The following RAF1 variants were observed in gnomAD, a reference collection of about 807,000 sequenced individuals.
RAF1 encodes the protein Raf-1 proto-oncogene, serine/threonine kinase.
RAF1 carries 27 observed loss-of-function variants against 81.1 expected under a neutral mutation model. That is an observed-to-expected ratio of 0.33 (90% CI 0.25 to 0.46). The LOEUF is 0.46. Among genes scored for constraint, RAF1 ranks in the 20% least tolerant of loss-of-function variants. The pLI is 1.00. For synonymous variants in RAF1, 298 were observed against 294.0 expected, an observed-to-expected ratio of 1.01 and a Z score of -0.14; for missense variants, 598 against 826.0, an observed-to-expected ratio of 0.72 and a Z score of 3.38.
intron 1 of RAF1, among the ~76,000 whole-genome samples, chr3:12,640,805 C>T (rs1008089764): frequency 1.4e-4 from 22 of 152,204 alleles, no homozygotes; most frequent in African/African-American, 9.6e-5. Context: ...GTCAGTGTGG[C>T]GATTCCTCAA....
chr3:12,608,768 G>C lies in RAF1; in HGVS notation c.579C>G (p.Leu193=), dbSNP rs751223840. 2 of 1,613,816 alleles carry C rather than the reference G, an allele frequency of 1.2e-6. No individual in the cohort carries two copies. Among genetic ancestry groups the C allele is most frequent in the African/African-American group, 2.7e-5 (2 of 74,910 alleles). The change falls in exon 5 of 18, where the codon CTC becomes CTG. Residue 193 remains leucine (L), a splice_region_variant and synonymous_variant. Coordinates refer to ENST00000442415, the MANE Select transcript of RAF1 (RefSeq NM_001354689.3). Reference sequence around the variant, plus strand: ...TGGATAAAAGAACAATGCCTTACAAGAGTTGTCTGATGTTACTCCAGTCCA... The same window carrying C: ...TGGATAAAAGAACAATGCCTTACAACAGTTGTCTGATGTTACTCCAGTCCA...
intron 3 of RAF1, among the ~76,000 whole-genome samples, chr3:12,610,895 T>G (rs186169149): frequency 2.2e-3 from 329 of 152,290 alleles, no homozygotes; most frequent in Non-Finnish European, 4.1e-3. Flanking sequence ...GCCTCTATCT[T>G]GCCACCACCA....
In RAF1 at chr3:12,618,501, GA is replaced by G. The variant is rs1335594000; in HGVS notation, c.207+13del. On this transcript the variant is annotated intron_variant, in intron 2 of 17. Coordinates refer to ENST00000442415, the MANE Select transcript of RAF1 (RefSeq NM_001354689.3). ...GATAAATAGCTAAATTTCCTAAGTAGAATGTTCACATACCACTGTTCTTTGC... is the reference window on the plus strand; with the variant it reads ...GATAAATAGCTAAATTTCCTAAGTAGATGTTCACATACCACTGTTCTTTGC... The G allele has an allele frequency of 1.2e-6, 2 of 1,613,702 alleles. No individual in the cohort carries two copies. The highest frequency in any genetic ancestry group is 2.2e-5 in the South Asian group (2 of 91,060).
chr3:12,648,318 G>A (rs896241256), intron 1 of RAF1, among the ~76,000 whole-genome samples: 2 of 146,854 alleles, frequency 1.4e-5, no homozygotes, highest in South Asian at 4.3e-4. Context: ...ACATAATGAA[G>A]TAGGAAGGAA....
chr3:12,645,752 T>A (rs1252596807), intron 1 of RAF1, among the ~76,000 whole-genome samples: 6 of 151,818 alleles, frequency 4.0e-5, no homozygotes, highest in Admixed American at 2.0e-4. Flanking sequence ...AGAGGTGGGG[T>A]GGGGTGAGGG....
At chr3:12,651,308 G>T (rs940838647) in intron 1 of RAF1, among the ~76,000 whole-genome samples, 2 of 151,918 alleles carry the variant, frequency 1.3e-5, no homozygotes, top group African/African-American at 4.8e-5. Context: ...TAGATTTTTT[G>T]CAATAATTTC....
intron 1 of RAF1, among the ~76,000 whole-genome samples, chr3:12,652,297 C>T (rs1575673883): frequency 2.0e-5 from 3 of 151,510 alleles, no homozygotes; most frequent in African/African-American, 7.3e-5. Flanking sequence ...CCGAGATGGG[C>T]GGATCATAAG....
chr3:12,655,568 C>G (rs188137401), intron 1 of RAF1, among the ~76,000 whole-genome samples: 2 of 152,260 alleles, frequency 1.3e-5, no homozygotes, highest in East Asian at 3.9e-4. Flanking sequence ...TAATTCTACT[C>G]CTGTGCATTA....
intron 1 of RAF1, among the ~76,000 whole-genome samples, chr3:12,634,806 T>C (rs942698625): frequency 6.6e-6 from 1 of 152,002 alleles, no homozygotes; most frequent in Non-Finnish European, 1.5e-5. Context: ...CCTCTCCCCT[T>C]TGGAGGAGGT....
intron 1 of RAF1, among the ~76,000 whole-genome samples, chr3:12,635,161 G>T (rs1333211157): frequency 6.6e-6 from 1 of 151,280 alleles, no homozygotes; most frequent in African/African-American, 2.4e-5. Context: ...TCCTGTCTCT[G>T]TTAAAAATAC....
At chr3:12,623,823 G>A (rs2059621198) in intron 1 of RAF1, among the ~76,000 whole-genome samples, 1 of 144,850 alleles carries the variant, frequency 6.9e-6, no homozygotes, top group Non-Finnish European at 1.5e-5. Context: ...AAAAAAAGAG[G>A]CAGGCTAAGT....
intron 1 of RAF1, among the ~76,000 whole-genome samples, chr3:12,635,497 G>A (rs1045247858): frequency 1.3e-5 from 2 of 151,568 alleles, no homozygotes; most frequent in South Asian, 2.1e-4. Flanking sequence ...TTAGCCCGGT[G>A]TGGTGGAACA....
chr3:12,608,942 T>C lies in RAF1; in HGVS notation c.424-19A>G. 6.2e-7 allele frequency: 1 copy of C among 1,613,892 alleles called. No homozygotes were observed. Among genetic ancestry groups the C allele is most frequent in the South Asian group, 1.1e-5 (1 of 91,076 alleles). ...TCCGAGCCTACAACAAGAACACAGG[T>C]GTAAATTATGCTGAATAAATAAAAG... On this transcript the variant is annotated intron_variant, in intron 4 of 17. Transcript: ENST00000442415.
At chr3:12,635,704 T>C (rs2060004213) in intron 1 of RAF1, among the ~76,000 whole-genome samples, 1 of 146,910 alleles carries the variant, frequency 6.8e-6, no homozygotes, top group African/African-American at 2.5e-5. Flanking sequence ...CTGGGCGCGG[T>C]GGCTCACGCC....
intron 1 of RAF1, among the ~76,000 whole-genome samples, chr3:12,641,544 T>C (rs530730591): frequency 6.8e-6 from 1 of 147,556 alleles, no homozygotes; most frequent in East Asian, 2.0e-4. Context: ...CAGGCTAAAG[T>C]GTAGTGCCGC....
rs397516823 is a variant in RAF1, at chr3:12,606,242, A to G, written c.639T>C (p.Thr213=). Residue 213 remains threonine (T), a synonymous_variant, in exon 6 of 18, where the codon ACT becomes ACC. Transcript: ENST00000442415. ...AAACAGACTCTCGCATACGACGCATAGTCAAAGAAGGTAGTGCTGGGACTC... is the reference window on the plus strand; with the variant it reads ...AAACAGACTCTCGCATACGACGCATGGTCAAAGAAGGTAGTGCTGGGACTC... 2.6e-5 allele frequency: 42 copies of G among 1,614,152 alleles called. No homozygotes were observed. The Admixed American group carries it at 6.5e-4, about 25-fold the overall frequency.
chr3:12,589,961 T>C (rs1182275183), intron 13 of RAF1: 2 of 151,868 alleles, frequency 1.3e-5, no homozygotes, highest in Non-Finnish European at 2.9e-5. Context: ...CAGCTAATTT[T>C]TGTATTTTTA....
intron 11 of RAF1, among the ~76,000 whole-genome samples, chr3:12,598,920 T>G (rs2058775325): frequency 6.6e-6 from 1 of 152,136 alleles, no homozygotes; most frequent in Admixed American, 6.5e-5. Flanking sequence ...CTGTGATTTT[T>G]GCTTTATTGT....
intron 1 of RAF1, among the ~76,000 whole-genome samples, chr3:12,644,308 C>T (rs2060279466): frequency 6.6e-6 from 1 of 152,156 alleles, no homozygotes; most frequent in Non-Finnish European, 1.5e-5. Flanking sequence ...ATAAATGTTT[C>T]AGTGAAAATG....
Sources: allele counts gnomAD v4.1 joint callset (sites outside exome capture counted in the v4.1 genomes callset), GRCh38; gene constraint gnomAD v4.1.1; transcripts MANE v1.5; gene names NCBI Gene and HGNC (gene_info 2026-07-23, HGNC 2026-07-21).